DOCK3: variants seen among roughly 807,000 people sequenced by gnomAD.
DOCK3 encodes dedicator of cytokinesis 3, also known as dedicator of cytokinesis protein 3.
In DOCK3, 60 loss-of-function variants were observed where a neutral mutation model predicts 265.6. The observed-to-expected ratio is 0.23, with a 90% CI of 0.18 to 0.28. The LOEUF (loss-of-function observed/expected upper bound fraction) is 0.28, where lower values mean the gene tolerates loss of function less well. Ranked by LOEUF, DOCK3 falls within the 10% of genes least tolerant of loss-of-function variation. DOCK3 has a pLI of 1.00. For synonymous variants in DOCK3, 881 were observed against 938.0 expected (o/e 0.94, Z 1.11); for missense variants, 1,981 against 2,594.3 (o/e 0.76, Z 5.14).
At chr3:51,280,432 G>A (rs906044755) in intron 27 of DOCK3, among the ~76,000 whole-genome samples, 4 of 152,144 alleles carry the variant, frequency 2.6e-5, no homozygotes, top group South Asian at 4.2e-4. Flanking sequence ...GACTATTAGC[G>A]GCCCTGTGAT....
chr3:51,339,412 G>A (rs1319430631), intron 37 of DOCK3, among the ~76,000 whole-genome samples: 2 of 152,122 alleles, frequency 1.3e-5, no homozygotes, highest in Non-Finnish European at 2.9e-5. Flanking sequence ...TGGAGCTAAG[G>A]TTATAACAAA....
In DOCK3 at chr3:51,203,779, A is replaced by G. The variant is rs997094953; in HGVS notation, c.1038-4995A>G. ...ACTTCAAATTATACTACAAGGCTAC[A>G]GTAACCAAAACAGCATGGTACTGGT... On this transcript the variant is annotated intron_variant, in intron 12 of 52. Transcript: ENST00000266037. Among the ~76,000 whole-genome samples the G allele has an allele frequency of 7.2e-4, 109 of 152,344 alleles. 1 individual carries two copies. The highest frequency in any genetic ancestry group is 2.5e-3 in the African/African-American group (104 of 41,584).
At chr3:51,249,518 CGCCCGGCCAGCCGCCCG>C (rs2079064952) in intron 22 of DOCK3, among the ~76,000 whole-genome samples, 1 of 92,512 alleles carries the variant, frequency 1.1e-5, no homozygotes, top group African/African-American at 4.1e-5. Flanking sequence ...GTCAGCTCCC[CGCCCGGCCAGCCGCCCG>C]GTCCGGGAGG....
At chr3:50,970,905 A>T (rs2077190985) in intron 5 of DOCK3, among the ~76,000 whole-genome samples, 2 of 49,302 alleles carry the variant, frequency 4.1e-5, no homozygotes, top group Admixed American at 2.3e-4. Flanking sequence ...ATATATATAT[A>T]TATATATATA....
At chr3:50,753,471 T>A (rs929397626) in intron 1 of DOCK3, among the ~76,000 whole-genome samples, 6 of 152,152 alleles carry the variant, frequency 3.9e-5, no homozygotes, top group African/African-American at 7.2e-5. Context: ...GCCTCCCAAG[T>A]TGGGACTATA....
chr3:50,979,151 C>G (rs1419615825), intron 5 of DOCK3, among the ~76,000 whole-genome samples: 1 of 152,164 alleles, frequency 6.6e-6, no homozygotes, highest in African/African-American at 2.4e-5. Flanking sequence ...TGTTCCTATT[C>G]GGCCATCTTG....
chr3:51,088,058 C>G (rs943460906), intron 7 of DOCK3, among the ~76,000 whole-genome samples: 4 of 152,122 alleles, frequency 2.6e-5, no homozygotes, highest in Non-Finnish European at 4.4e-5. Context: ...CAATGGAATA[C>G]TATTCTGCCA....
intron 5 of DOCK3, among the ~76,000 whole-genome samples, chr3:50,981,908 G>A (rs1257538291): frequency 6.6e-6 from 1 of 151,902 alleles, no homozygotes; most frequent in Non-Finnish European, 1.5e-5. Flanking sequence ...GGAGTGCATT[G>A]GCACGATCTT....
chr3:51,265,669 CTCAATAAACTAGGTATTGA>C (rs940652668), intron 23 of DOCK3, among the ~76,000 whole-genome samples: 6 of 152,128 alleles, frequency 3.9e-5, no homozygotes, highest in Non-Finnish European at 1.5e-5. Context: ...GCTAAAAACT[CTCAATAAACTAGGTATTGA>C]TGGGACGTAT....
At chr3:50,819,025 T>C (rs1361004148) in intron 2 of DOCK3, among the ~76,000 whole-genome samples, 2 of 152,182 alleles carry the variant, frequency 1.3e-5, no homozygotes, top group Admixed American at 1.3e-4. Flanking sequence ...TTATTTGTTT[T>C]TTAAAAAAAT....
rs2086612537 is a variant in DOCK3 at position 51,359,938 on chromosome 3, G to T, written c.4885-573G>T. Among the ~76,000 whole-genome samples, 1 of 152,194 alleles carries T rather than the reference G, an allele frequency of 6.6e-6. No individual in the cohort carries two copies. The highest frequency in any genetic ancestry group is 1.5e-5 in the Non-Finnish European group (1 of 68,040). ...CCCAGTAGGGTTTGAGATCAGAAGTGTCTGCCCAGAAATCTACATACTTAA... is the reference window on the plus strand; with the variant it reads ...CCCAGTAGGGTTTGAGATCAGAAGTTTCTGCCCAGAAATCTACATACTTAA... On this transcript the variant is annotated intron_variant, in intron 46 of 52. Coordinates refer to ENST00000266037, the MANE Select transcript of DOCK3 (RefSeq NM_004947.5). The surrounding 1 kb of genome is among the most constrained non-coding windows in gnomAD (Gnocchi z 4.8).
intron 22 of DOCK3, among the ~76,000 whole-genome samples, chr3:51,247,289 A>C (rs2078887558): frequency 6.6e-6 from 1 of 152,336 alleles, no homozygotes. Flanking sequence ...GGCCTTAGGA[A>C]GAACCTGTGG....
At chr3:50,999,595 T>C (rs2078402027) in intron 5 of DOCK3, among the ~76,000 whole-genome samples, 1 of 152,302 alleles carries the variant, frequency 6.6e-6, no homozygotes, top group East Asian at 1.9e-4. Flanking sequence ...ATATTTCTGG[T>C]TAGAACCTTT....
rs1012586122 is a variant in DOCK3 at position 51,260,142 on chromosome 3, C to T, written c.2185-14C>T. The T allele has an allele frequency of 1.3e-5, 21 of 1,606,730 alleles. No individual in the cohort carries two copies. Among genetic ancestry groups the T allele is most frequent in the Non-Finnish European group, 8.5e-6 (10 of 1,176,108 alleles). ...TCAACATCTCTCCATCACTTTTTCTCCCACACTTTTCAGGCCTTGGAGTAC... is the reference window on the plus strand; with the variant it reads ...TCAACATCTCTCCATCACTTTTTCTTCCACACTTTTCAGGCCTTGGAGTAC... On this transcript the variant is annotated splice_polypyrimidine_tract_variant and intron_variant, in intron 22 of 52. Transcript: ENST00000266037.
chr3:51,104,652 T>G (rs925542177), intron 9 of DOCK3, among the ~76,000 whole-genome samples: 1 of 152,228 alleles, frequency 6.6e-6, no homozygotes, highest in East Asian at 1.9e-4. Context: ...GCTTTCTGCT[T>G]TTGCTTTTAA....
At chr3:51,280,077 G>A (rs762847346) in intron 26 of DOCK3, 29 bp from the exon 27 acceptor site, 5 of 1,601,774 alleles carry the variant, frequency 3.1e-6, no homozygotes, top group Non-Finnish European at 3.4e-6. Flanking sequence ...AATTGGCCAT[G>A]CTAAGTGTTT....
At chr3:50,742,196 A>G (rs2039089135) in intron 1 of DOCK3, among the ~76,000 whole-genome samples, 1 of 152,184 alleles carries the variant, frequency 6.6e-6, no homozygotes, top group Admixed American at 6.6e-5. Context: ...ACCGATCTGT[A>G]CATCACCATC....
At position 50,690,977 on chromosome 3, in the gene DOCK3, T is replaced by G. The variant is rs543948259; in HGVS notation, c.37+15677T>G. Among the ~76,000 whole-genome samples, 3 of 151,714 alleles carry G rather than the reference T, an allele frequency of 2.0e-5. No individual in the cohort carries two copies. The East Asian group carries it at 6.0e-4, about 30-fold the overall frequency. On this transcript the variant is annotated intron_variant, in intron 1 of 52. Coordinates refer to ENST00000266037, the MANE Select transcript of DOCK3 (RefSeq NM_004947.5). ...TCTCCGTGATTTTGACTATTCTAGATAACTCATATAAATGTAATCATATGG... is the reference window on the plus strand; with the variant it reads ...TCTCCGTGATTTTGACTATTCTAGAGAACTCATATAAATGTAATCATATGG...
chr3:51,072,520 T>A (rs570563387), intron 6 of DOCK3, among the ~76,000 whole-genome samples: 1 of 152,198 alleles, frequency 6.6e-6, no homozygotes, highest in Non-Finnish European at 1.5e-5. Context: ...GTGATTCTCA[T>A]GCCTCAGCCT....
Sources: gnomAD v4.1 joint callset for allele counts (sites outside exome capture counted in the v4.1 genomes callset) on GRCh38, gnomAD v4.1.1 for gene constraint, Gnocchi (gnomAD v3.1) non-coding constraint, MANE v1.5 for transcripts, NCBI Gene and HGNC (gene_info 2026-07-23, HGNC 2026-07-21) for gene names.